PIK3C2G: variants seen among roughly 807,000 people sequenced by gnomAD.
PIK3C2G encodes phosphatidylinositol-4-phosphate 3-kinase catalytic subunit type 2 gamma.
A neutral mutation model predicts 181.1 loss-of-function variants in PIK3C2G; 168 were observed. That is an observed-to-expected ratio of 0.93 (90% confidence interval 0.82 to 1.05). The LOEUF (loss-of-function observed/expected upper bound fraction) is 1.05. PIK3C2G is among the 50% of genes least tolerant of loss of function. The pLI, the probability that PIK3C2G is intolerant of heterozygous loss-of-function variation, is 0.00. For synonymous variants in PIK3C2G, 573 were observed against 592.2 expected, an observed-to-expected ratio of 0.97 and a Z score of 0.47; for missense variants, 1,869 against 1,732.8, an observed-to-expected ratio of 1.08 and a Z score of -1.40.
chr12:18,300,996 CT>C (rs1288850476), intron 5 of PIK3C2G, among the ~76,000 whole-genome samples: 1 of 151,576 alleles, frequency 6.6e-6, no homozygotes, highest in Non-Finnish European at 1.5e-5. Context: ...AGAGTGGTTT[CT>C]TTTTTTCTTT....
At chr12:18,453,830 C>A (rs1419107271) in intron 18 of PIK3C2G, among the ~76,000 whole-genome samples, 2 of 151,956 alleles carry the variant, frequency 1.3e-5, no homozygotes, top group Non-Finnish European at 2.9e-5. Context: ...AATTAGTGTT[C>A]TGACTCACTG....
At chr12:18,484,618 TG>T (rs1939868123) in intron 18 of PIK3C2G, among the ~76,000 whole-genome samples, 1 of 152,198 alleles carries the variant, frequency 6.6e-6, no homozygotes, top group Non-Finnish European at 1.5e-5. Context: ...CTGCTATTTC[TG>T]AAAGAGCAAA....
At chr12:18,553,933 T>A (rs1205050251) in intron 26 of PIK3C2G, among the ~76,000 whole-genome samples, 1 of 152,112 alleles carries the variant, frequency 6.6e-6, no homozygotes, top group Non-Finnish European at 1.5e-5. Flanking sequence ...AGACTTTTCC[T>A]ACTTTATCTA....
At chr12:18,375,209 G>A (rs1942350650) in intron 13 of PIK3C2G, among the ~76,000 whole-genome samples, 1 of 152,154 alleles carries the variant, frequency 6.6e-6, no homozygotes, top group African/African-American at 2.4e-5. Flanking sequence ...AATAGTTGTG[G>A]CCAAAATGCT....
rs189993629 is a variant in PIK3C2G, at chr12:18,554,841, T to C, written c.3591-7862T>C. ...ACTATGACAAAGTTTTATTAATTCA[T>C]TGTTCCCCTTGAATGATTAAGAGTG... On this transcript the variant is annotated intron_variant, in intron 26 of 32. Transcript: ENST00000538779. Among the ~76,000 whole-genome samples, 98 of 151,510 alleles carry C rather than the reference T, an allele frequency of 6.5e-4. No homozygotes were observed. In the Middle Eastern group the frequency reaches 0.024, roughly 37 times the overall value.
At chr12:18,683,867 GA>G in the PIK3C2G span, among the ~76,000 whole-genome samples, 1 of 151,898 alleles carries the variant, frequency 6.6e-6, no homozygotes. Context: ...TACTGAAACA[GA>G]AGAACTAGGA....
At position 18,491,578 on chromosome 12, in the gene PIK3C2G, A is replaced by C; in HGVS notation, c.2793+20A>C. The stretch of plus-strand genomic sequence containing the variant: ...CACGATGTAAGTCAACTTATTCCTC[A>C]GATTAATGGAATATTTCTGTTTTGT... On this transcript the variant is annotated intron_variant, in intron 20 of 32. Transcript: ENST00000538779. 1 of 1,269,118 alleles carries C rather than the reference A, an allele frequency of 7.9e-7. No homozygotes were observed. The highest frequency in any genetic ancestry group is 1.1e-6 in the Non-Finnish European group (1 of 876,852). 78.6% of individuals were successfully genotyped at this position (1,269,118 alleles called of 1,614,324 possible). A position where few individuals can be genotyped will look rare whatever the true frequency, so the allele number is the denominator to read the frequency against.
At chr12:18,276,742 G>A (rs534593581) in intron 1 of PIK3C2G, among the ~76,000 whole-genome samples, 24 of 152,276 alleles carry the variant, frequency 1.6e-4, no homozygotes, top group Non-Finnish European at 3.1e-4. Flanking sequence ...TATTACAAGT[G>A]TTTTGTACAG....
intron 29 of PIK3C2G, among the ~76,000 whole-genome samples, chr12:18,587,188 T>A (rs912942991): frequency 1.3e-5 from 2 of 152,228 alleles, no homozygotes; most frequent in East Asian, 1.9e-4. Context: ...TTCAACATAG[T>A]ATTGGAAGTC....
At chr12:18,377,841 T>C (rs1301356830) in intron 13 of PIK3C2G, among the ~76,000 whole-genome samples, 1 of 152,206 alleles carries the variant, frequency 6.6e-6, no homozygotes, top group Non-Finnish European at 1.5e-5. Context: ...CATATATATA[T>C]GGCTTTAAGT....
At chr12:18,577,767 G>A (rs893998143) in intron 29 of PIK3C2G, among the ~76,000 whole-genome samples, 1 of 152,082 alleles carries the variant, frequency 6.6e-6, no homozygotes, top group Non-Finnish European at 1.5e-5. Context: ...TGAATATTTA[G>A]GGTACCATAC....
At chr12:18,383,988 T>TTA (rs1491292761) in intron 14 of PIK3C2G, among the ~76,000 whole-genome samples, 379 of 80,930 alleles carry the variant, frequency 4.7e-3, no homozygotes, top group African/African-American at 0.014. Flanking sequence ...ATTATTATTA[T>TTA]TTTTTTTTTT....
chr12:18,597,146 T>C (rs1947408729), intron 30 of PIK3C2G, among the ~76,000 whole-genome samples: 1 of 151,468 alleles, frequency 6.6e-6, no homozygotes, highest in East Asian at 2.0e-4. Context: ...AATCAAGCAA[T>C]AAAAAAATCT....
At chr12:18,615,730 C>T (rs1053589250) in intron 31 of PIK3C2G, among the ~76,000 whole-genome samples, 2 of 151,978 alleles carry the variant, frequency 1.3e-5, no homozygotes, top group Non-Finnish European at 1.5e-5. Flanking sequence ...TCCTATTCAA[C>T]AGTCTCCATT....
chr12:18,437,218 T>A (rs1407236720), intron 18 of PIK3C2G, among the ~76,000 whole-genome samples: 3 of 151,948 alleles, frequency 2.0e-5, no homozygotes, highest in Non-Finnish European at 4.4e-5. Flanking sequence ...AAATGTTGAA[T>A]GGGGATTTTT....
intron 18 of PIK3C2G, among the ~76,000 whole-genome samples, chr12:18,431,136 G>T (rs1404176356): frequency 6.6e-6 from 1 of 152,030 alleles, no homozygotes; most frequent in Non-Finnish European, 1.5e-5. Flanking sequence ...TCTCTCATTT[G>T]CAAGTCACTC....
At chr12:18,534,634 A>G (rs1943742888) in intron 24 of PIK3C2G, among the ~76,000 whole-genome samples, 3 of 151,908 alleles carry the variant, frequency 2.0e-5, no homozygotes, top group Admixed American at 6.6e-5. Context: ...TTAAGACTAT[A>G]TAAAAGGAAG....
At chr12:18,474,239 C>T (rs980750124) in intron 18 of PIK3C2G, among the ~76,000 whole-genome samples, 12 of 152,126 alleles carry the variant, frequency 7.9e-5, no homozygotes, top group Admixed American at 7.9e-4. Flanking sequence ...GGCCAAAAGT[C>T]ACACAGCCTT....
chr12:18,712,965 A>G, the PIK3C2G span: 1 of 1,613,918 alleles, frequency 6.2e-7, no homozygotes, highest in Non-Finnish European at 8.5e-7. Context: ...TCTCCAAACA[A>G]CGGCATCCTT....
Sources: gnomAD v4.1 joint callset for allele counts (sites outside exome capture counted in the v4.1 genomes callset) on GRCh38, gnomAD v4.1.1 for gene constraint, MANE v1.5 for transcripts, NCBI Gene and HGNC (gene_info 2026-07-23, HGNC 2026-07-21) for gene names.